DSTYK: variants seen among roughly 807,000 people sequenced by gnomAD.
DSTYK encodes the protein RIP-homologous kinase.
In DSTYK, 34 loss-of-function variants were observed where a neutral mutation model predicts 98.7. The ratio of observed to expected loss-of-function variants is 0.34; its 90% confidence interval spans 0.26 to 0.46. DSTYK has a LOEUF of 0.46. Ranked by LOEUF, DSTYK falls within the 20% of genes least tolerant of loss-of-function variation. The probability of loss-of-function intolerance (pLI) is 1.00; values close to 1 mark genes in which losing one functional copy is unlikely to be tolerated. For missense variants in DSTYK, 962 were observed against 1,181.7 expected, an observed-to-expected ratio of 0.81 and a Z score of 2.73; for synonymous variants, 462 against 457.3, an observed-to-expected ratio of 1.01 and a Z score of -0.13.
chr1:205,183,067 GA>G (rs3076771), intron 2 of DSTYK, among the ~76,000 whole-genome samples: 19 of 142,234 alleles, frequency 1.3e-4, no homozygotes, highest in African/African-American at 2.9e-4. Flanking sequence ...GTGTTCACAG[GA>G]AAAAAAAAAA....
intron 2 of DSTYK, among the ~76,000 whole-genome samples, chr1:205,172,625 A>T (rs559302987): frequency 1.3e-5 from 2 of 151,930 alleles, no homozygotes; most frequent in Non-Finnish European, 2.9e-5. Context: ...TTGAGTTTTT[A>T]AAATCTTTTT....
intron 12 of DSTYK, 101 bp from the exon 13 acceptor site, chr1:205,147,846 T>C: frequency 8.2e-7 from 1 of 1,215,688 alleles, no homozygotes; most frequent in Non-Finnish European, 1.2e-6. Context: ...GGGCTCAGAA[T>C]ACTAAGAATG....
intron 8 of DSTYK, 168 bp downstream of exon 8, chr1:205,159,946 G>T: frequency 2.3e-6 from 2 of 878,500 alleles, no homozygotes; most frequent in Non-Finnish European, 1.8e-6. Context: ...GGATGGTGGG[G>T]AAAGAGCAAG....
At chr1:205,161,511 T>A in intron 6 of DSTYK, 124 bp from the exon 7 acceptor site, 1 of 1,040,864 alleles carries the variant, frequency 9.6e-7, no homozygotes, top group Non-Finnish European at 1.4e-6. Flanking sequence ...AAGATACATG[T>A]AACATGTTTA....
intron 2 of DSTYK, among the ~76,000 whole-genome samples, chr1:205,179,755 T>C (rs1658342545): frequency 1.3e-5 from 2 of 151,342 alleles, no homozygotes; most frequent in Admixed American, 6.6e-5. Flanking sequence ...CCTCTATGGA[T>C]TGGCTGAGAC....
In DSTYK at chr1:205,171,455, A is replaced by T. The variant is rs1333981680; in HGVS notation, c.655-1623T>A. Among the ~76,000 whole-genome samples, 138 of 72,284 alleles carry T rather than the reference A, an allele frequency of 1.9e-3. 2 individuals carry two copies. In the East Asian group the frequency reaches 0.047, roughly 25 times the overall value. 47.4% of individuals were successfully genotyped at this position (72,284 alleles called of 152,430 possible). A position where few individuals can be genotyped will look rare whatever the true frequency, so the allele number is the denominator to read the frequency against. On this transcript the variant is annotated intron_variant, in intron 2 of 12. Transcript: ENST00000367162. Reference sequence around the variant, plus strand: ...GACAAAGCAAGACTCTGTCTCAATTAAAAAAAAAAAAAAAAAAAAAGATCT... The same window carrying T: ...GACAAAGCAAGACTCTGTCTCAATTTAAAAAAAAAAAAAAAAAAAAGATCT...
chr1:205,162,445 T>C (rs1657755907), intron 5 of DSTYK, among the ~76,000 whole-genome samples: 1 of 152,160 alleles, frequency 6.6e-6, no homozygotes, highest in African/African-American at 2.4e-5. Flanking sequence ...AAACCCTCAA[T>C]ATATTACATT....
At position 205,208,228 on chromosome 1, in the gene DSTYK, T is replaced by C. The variant is rs1011159744; in HGVS notation, c.265+3043A>G. Among the ~76,000 whole-genome samples the C allele has an allele frequency of 3.3e-5, 5 of 152,340 alleles. No homozygotes were observed. The South Asian group carries it at 6.2e-4, about 19-fold the overall frequency. On this transcript the variant is annotated intron_variant, in intron 1 of 12. Transcript: ENST00000367162. ...CATGTACATTACATATTCTCTACAC[T>C]GACCCCAGTGAATTCAGAACTATAA...
At chr1:205,185,714 C>G in intron 2 of DSTYK, among the ~76,000 whole-genome samples, 1 of 152,126 alleles carries the variant, frequency 6.6e-6, no homozygotes, top group East Asian at 1.9e-4. Flanking sequence ...AAATGTATGT[C>G]TTACAGTGAA....
rs1320436031 is a variant in DSTYK, at chr1:205,150,666, C to T, written c.2467+14G>A. ...ACGCCCTGCCCAGACCCACTGCCTG[C>T]CCTCCAGCCTTACCTGTGAAAAGTT... On this transcript the variant is annotated intron_variant, in intron 11 of 12. Transcript: ENST00000367162. The surrounding 1 kb of genome is among the most constrained non-coding windows in gnomAD (Gnocchi z 4.1). 1 of 1,602,540 alleles carries T rather than the reference C, an allele frequency of 6.2e-7. No homozygotes were observed. Among genetic ancestry groups the T allele is most frequent in the Non-Finnish European group, 8.5e-7 (1 of 1,170,512 alleles).
chr1:205,200,169 T>C (rs1031152367), intron 1 of DSTYK, among the ~76,000 whole-genome samples: 3 of 152,104 alleles, frequency 2.0e-5, no homozygotes, highest in African/African-American at 7.2e-5. Context: ...CCCAAGTAGC[T>C]GGGATTACAG....
chr1:205,191,648 C>T (rs542515555), intron 1 of DSTYK, among the ~76,000 whole-genome samples: 16 of 152,134 alleles, frequency 1.1e-4, no homozygotes, highest in Admixed American at 5.9e-4. Flanking sequence ...AATTTAATTA[C>T]GCAAGTGCCC....
At chr1:205,196,652 C>T (rs1450591432) in intron 1 of DSTYK, among the ~76,000 whole-genome samples, 2 of 151,106 alleles carry the variant, frequency 1.3e-5, no homozygotes, top group African/African-American at 4.9e-5. Flanking sequence ...TTTTGAGAAA[C>T]AGGGTATCAG....
chr1:205,165,256 CTAA>C (rs1558606738), intron 3 of DSTYK, among the ~76,000 whole-genome samples: 1 of 151,984 alleles, frequency 6.6e-6, no homozygotes. Flanking sequence ...CCACGCCAGA[CTAA>C]TTTTTGTATT....
intron 2 of DSTYK, among the ~76,000 whole-genome samples, chr1:205,177,419 T>C (rs190879953): frequency 1.3e-5 from 2 of 152,302 alleles, no homozygotes; most frequent in South Asian, 2.1e-4. Flanking sequence ...TCTCCTCTCG[T>C]GACATTCTCA....
chr1:205,210,075 T>C (rs1659327021), intron 1 of DSTYK, among the ~76,000 whole-genome samples: 1 of 152,050 alleles, frequency 6.6e-6, no homozygotes, highest in South Asian at 2.1e-4. Context: ...TAGTTTCTTA[T>C]ATTTTTGGTA....
At position 205,147,386 on chromosome 1, in the gene DSTYK, C is replaced by T; in HGVS notation, c.*172G>A. 1 of 561,356 alleles carries T rather than the reference C, an allele frequency of 1.8e-6. No homozygotes were observed. The allele number at this position is 561,356 out of a possible 1,614,324, so 34.8% of individuals were successfully genotyped here. On this transcript the variant is annotated 3_prime_UTR_variant, in exon 13 of 13. Coordinates refer to ENST00000367162, the MANE Select transcript of DSTYK (RefSeq NM_015375.3). ...GAGCTGCTGAATATGCTCAGTCATTCAACTCTTCACTGTCCAGGAGTCATC... is the reference window on the plus strand; with the variant it reads ...GAGCTGCTGAATATGCTCAGTCATTTAACTCTTCACTGTCCAGGAGTCATC...
chr1:205,187,843 A>C, intron 1 of DSTYK, 37 bp from the exon 2 acceptor site: 1 of 1,541,070 alleles, frequency 6.5e-7, no homozygotes, highest in Non-Finnish European at 8.8e-7. Context: ...AAGAGAAAGG[A>C]GTAGAGAGAG....
At chr1:205,155,902 A>G (rs1255914694) in intron 10 of DSTYK, among the ~76,000 whole-genome samples, 1 of 152,220 alleles carries the variant, frequency 6.6e-6, no homozygotes, top group Non-Finnish European at 1.5e-5. Flanking sequence ...TGCTGTATGC[A>G]GCCTTCGAAC....
Sources: allele counts gnomAD v4.1 joint callset (sites outside exome capture counted in the v4.1 genomes callset), GRCh38; gene constraint gnomAD v4.1.1; non-coding constraint Gnocchi (gnomAD v3.1); transcripts MANE v1.5; gene names NCBI Gene and HGNC (gene_info 2026-07-23, HGNC 2026-07-21).